ZFPM2: variants seen among roughly 807,000 people sequenced by gnomAD.
ZFPM2 encodes the protein zinc finger protein, FOG family member 2.
Under a neutral mutation model 98.6 loss-of-function variants are expected in ZFPM2, and 20 were observed. The observed-to-expected ratio is 0.20, with a 90% confidence interval of 0.14 to 0.29. ZFPM2 has a LOEUF of 0.29. Among genes scored for constraint, ZFPM2 ranks in the 10% least tolerant of loss-of-function variants. ZFPM2 has a pLI of 1.00. For synonymous variants in ZFPM2, 518 were observed against 502.7 expected, an observed-to-expected ratio of 1.03 and a Z score of -0.41; for missense variants, 1,310 against 1,388.6, an observed-to-expected ratio of 0.94 and a Z score of 0.90.
At chr8:105,460,386 A>G (rs574857332) in intron 3 of ZFPM2, among the ~76,000 whole-genome samples, 3 of 152,120 alleles carry the variant, frequency 2.0e-5, no homozygotes, top group Non-Finnish European at 2.9e-5. Context: ...CACATAGGAA[A>G]CCCAGAGAAG....
intron 2 of ZFPM2, among the ~76,000 whole-genome samples, chr8:105,439,064 G>C (rs1291599893): frequency 6.6e-6 from 1 of 152,052 alleles, no homozygotes; most frequent in East Asian, 1.9e-4. Flanking sequence ...TCAAAAATGT[G>C]TGAGTAATGT....
intron 5 of ZFPM2, among the ~76,000 whole-genome samples, chr8:105,724,221 A>G (rs1460066309): frequency 1.3e-5 from 2 of 151,896 alleles, no homozygotes; most frequent in Non-Finnish European, 2.9e-5. Flanking sequence ...CAAGATTTCT[A>G]TGCCTGCTGG....
At chr8:105,449,864 A>G (rs115544045) in intron 3 of ZFPM2, among the ~76,000 whole-genome samples, 62 of 152,152 alleles carry the variant, frequency 4.1e-4, no homozygotes, top group African/African-American at 1.5e-3. Context: ...CATTTCAGCA[A>G]TTGTACCTGT....
intron 3 of ZFPM2, among the ~76,000 whole-genome samples, chr8:105,454,917 G>C (rs2130270929): frequency 6.6e-6 from 1 of 152,224 alleles, no homozygotes; most frequent in South Asian, 2.1e-4. Flanking sequence ...ATTTACTCCT[G>C]GCATGATAAA....
At chr8:105,570,320 A>AT (rs35050504) in intron 4 of ZFPM2, among the ~76,000 whole-genome samples, 17,692 of 148,738 alleles carry the variant, frequency 0.12, 1,073 homozygotes, top group South Asian at 0.17. Flanking sequence ...ATTTTTATTT[A>AT]TTTTTTTTTT....
At chr8:105,485,090 A>G (rs775544919) in intron 3 of ZFPM2, among the ~76,000 whole-genome samples, 7 of 152,140 alleles carry the variant, frequency 4.6e-5, no homozygotes, top group Non-Finnish European at 1.0e-4. Context: ...AACTTTATAC[A>G]TTGGTAAGTA....
At chr8:105,612,922 G>T (rs562851969) in intron 4 of ZFPM2, among the ~76,000 whole-genome samples, 1 of 152,152 alleles carries the variant, frequency 6.6e-6, no homozygotes, top group Non-Finnish European at 1.5e-5. Flanking sequence ...CTTCTAATTC[G>T]TGGGGGAAAC....
intron 1 of ZFPM2, among the ~76,000 whole-genome samples, chr8:105,370,074 G>A (rs926091345): frequency 6.6e-6 from 1 of 152,092 alleles, no homozygotes; most frequent in African/African-American, 2.4e-5. Flanking sequence ...CTAGTTACTG[G>A]TCCAGGGTCT....
At chr8:105,482,971 T>TTCCC (rs1269138781) in intron 3 of ZFPM2, among the ~76,000 whole-genome samples, 1 of 92,060 alleles carries the variant, frequency 1.1e-5, no homozygotes, top group Non-Finnish European at 2.2e-5. Flanking sequence ...CCTTATCTCC[T>TTCCC]TCCCTCCCTC....
chr8:105,801,334 A>G lies in ZFPM2; in HGVS notation c.1252A>G (p.Ser418Gly). 1 of 1,613,960 alleles carries G rather than the reference A, an allele frequency of 6.2e-7. No individual in the cohort carries two copies. Among genetic ancestry groups the G allele is most frequent in the East Asian group, 2.2e-5 (1 of 44,870 alleles). The change falls in exon 8 of 8, where the codon AGC becomes GGC. Residue 418 changes from serine (S) to glycine (G), a missense_variant. Transcript: ENST00000407775. ...GCCAGCCACAGACTTATTGACCAGAAGCGAACTTCCCCAGAGCCAAAAGGC... is the reference window on the plus strand; with the variant it reads ...GCCAGCCACAGACTTATTGACCAGAGGCGAACTTCCCCAGAGCCAAAAGGC... ...LQPATDLLTR[S>G]ELPQSQKAMQ...
intron 4 of ZFPM2, among the ~76,000 whole-genome samples, chr8:105,633,085 G>A (rs1260863207): frequency 1.3e-5 from 2 of 152,114 alleles, no homozygotes; most frequent in African/African-American, 2.4e-5. Flanking sequence ...TGCTATCATT[G>A]TTGTCATGAG....
rs3049323 is a variant in ZFPM2 at position 105,580,827 on chromosome 8, C to CTATATA, written c.420+19359_420+19364dup. 1.6e-3 allele frequency among the ~76,000 whole-genome samples: 211 copies of CTATATA among 131,456 alleles called. 1 individual carries two copies. Among genetic ancestry groups the CTATATA allele is most frequent in the African/African-American group, 2.0e-3 (71 of 35,618 alleles). The allele number at this position is 131,456 out of a possible 152,430, so 86.2% of individuals were successfully genotyped here. Reference sequence around the variant, plus strand: ...TCTCTCTCTCTCTCTCTCTCTCTCTCTATATATATATATATATAAATCACT... The same window carrying CTATATA: ...TCTCTCTCTCTCTCTCTCTCTCTCTCTATATATATATATATATATATATAAATCACT... On this transcript the variant is annotated intron_variant, in intron 4 of 7. Coordinates refer to ENST00000407775, the MANE Select transcript of ZFPM2 (RefSeq NM_012082.4).
intron 5 of ZFPM2, among the ~76,000 whole-genome samples, chr8:105,714,459 C>G (rs1450368193): frequency 3.3e-5 from 5 of 151,936 alleles, no homozygotes; most frequent in Non-Finnish European, 7.4e-5. Flanking sequence ...ACTTTTATTT[C>G]TCTTGCCTGA....
chr8:105,791,699 G>A (rs1186063592), intron 6 of ZFPM2, among the ~76,000 whole-genome samples: 4 of 152,116 alleles, frequency 2.6e-5, no homozygotes, highest in African/African-American at 9.7e-5. Context: ...GGTAGAATTC[G>A]GCTATGAATC....
intron 4 of ZFPM2, among the ~76,000 whole-genome samples, chr8:105,614,768 A>G (rs1278731243): frequency 1.3e-5 from 2 of 152,126 alleles, no homozygotes; most frequent in African/African-American, 4.8e-5. Flanking sequence ...TGCTTTTAAG[A>G]CAGGAAAACC....
At chr8:105,597,170 C>T (rs1368552174) in intron 4 of ZFPM2, among the ~76,000 whole-genome samples, 1 of 151,894 alleles carries the variant, frequency 6.6e-6, no homozygotes, top group Non-Finnish European at 1.5e-5. Context: ...TGTTAGGGCC[C>T]TGTTATGCCT....
At chr8:105,454,653 G>A (rs1286792441) in intron 3 of ZFPM2, among the ~76,000 whole-genome samples, 1 of 152,172 alleles carries the variant, frequency 6.6e-6, no homozygotes, top group African/African-American at 2.4e-5. Context: ...TTTGCAAAAT[G>A]CTGGTTTTCA....
chr8:105,502,454 A>G lies in ZFPM2; in HGVS notation c.301+58073A>G, dbSNP rs148822303. 5.1e-3 allele frequency among the ~76,000 whole-genome samples: 770 copies of G among 152,284 alleles called. 5 individuals carry two copies. Among genetic ancestry groups the G allele is most frequent in the Non-Finnish European group, 7.8e-3 (531 of 68,026 alleles). On this transcript the variant is annotated intron_variant, in intron 3 of 7. Coordinates refer to ENST00000407775, the MANE Select transcript of ZFPM2 (RefSeq NM_012082.4). The stretch of plus-strand genomic sequence containing the variant: ...GAGGTCAGGAAAAAAGTCACCATTT[A>G]TGGGGAAAGTAGTGGCTATCCCTAA...
chr8:105,642,249 GC>G (rs1816961876), intron 5 of ZFPM2, among the ~76,000 whole-genome samples: 1 of 152,052 alleles, frequency 6.6e-6, no homozygotes, highest in South Asian at 2.1e-4. Context: ...GGCAGAATAT[GC>G]GGCTTTGTGC....
Sources: allele counts gnomAD v4.1 joint callset (sites outside exome capture counted in the v4.1 genomes callset), GRCh38; gene constraint gnomAD v4.1.1; transcripts MANE v1.5; gene names NCBI Gene and HGNC (gene_info 2026-07-23, HGNC 2026-07-21).